DCBLD1: variants seen among roughly 807,000 people sequenced by gnomAD.
DCBLD1 encodes the protein discoidin, CUB and LCCL domain containing 1.
DCBLD1 carries 57 observed loss-of-function variants against 71.5 expected under a neutral mutation model. That is an observed-to-expected ratio of 0.80 (90% CI 0.64 to 0.99). The LOEUF (loss-of-function observed/expected upper bound fraction) is 0.99. Ranked by LOEUF, DCBLD1 falls within the 50% of genes least tolerant of loss-of-function variation. The pLI, the probability that DCBLD1 is intolerant of heterozygous loss-of-function variation, is 0.00. For synonymous variants in DCBLD1, 380 were observed against 363.8 expected, an observed-to-expected ratio of 1.04 and a Z score of -0.51; for missense variants, 891 against 923.5, an observed-to-expected ratio of 0.96 and a Z score of 0.46.
chr6:117,514,291 A>T (rs1306846089), intron 2 of DCBLD1, among the ~76,000 whole-genome samples: 1 of 152,166 alleles, frequency 6.6e-6, no homozygotes, highest in African/African-American at 2.4e-5. Flanking sequence ...GATGTTTGTG[A>T]TTATGATGAA....
At chr6:117,518,808 A>G (rs183715780) in intron 2 of DCBLD1, among the ~76,000 whole-genome samples, 15 of 152,210 alleles carry the variant, frequency 9.9e-5, no homozygotes, top group African/African-American at 3.4e-4. Flanking sequence ...CCCACAACAC[A>G]TGGGAATTCA....
In DCBLD1 at chr6:117,544,581, G is replaced by A. The variant is rs1416663635; in HGVS notation, c.1495+4G>A. Reference sequence around the variant, plus strand: ...TCAGCAGAGGCTCAGAAAACAGGTTGGTTGAAAACTCTATCTACAATTTTA... The same window carrying A: ...TCAGCAGAGGCTCAGAAAACAGGTTAGTTGAAAACTCTATCTACAATTTTA... On this transcript the variant is annotated splice_donor_region_variant and intron_variant, in intron 13 of 14. Coordinates refer to ENST00000338728, the MANE Select transcript of DCBLD1 (RefSeq NM_001366458.2). The A allele has an allele frequency of 1.2e-6, 2 of 1,613,742 alleles. No individual in the cohort carries two copies. The highest frequency in any genetic ancestry group is 1.7e-5 in the Admixed American group (1 of 59,948).
intron 2 of DCBLD1, among the ~76,000 whole-genome samples, chr6:117,505,519 AT>A (rs1245633626): frequency 1.3e-5 from 2 of 152,164 alleles, no homozygotes; most frequent in Admixed American, 6.5e-5. Context: ...TGGAGGAATC[AT>A]TTTGTTGCAT....
intron 2 of DCBLD1, among the ~76,000 whole-genome samples, chr6:117,504,214 A>C (rs1777761734): frequency 6.6e-6 from 1 of 152,198 alleles, no homozygotes; most frequent in Non-Finnish European, 1.5e-5. Flanking sequence ...TTAGAGTTTC[A>C]GTGCTGCTAG....
At position 117,541,773 on chromosome 6, in the gene DCBLD1, C is replaced by CTT. The variant is rs552268367; in HGVS notation, c.1357+750_1357+751dup. Among the ~76,000 whole-genome samples the CTT allele has an allele frequency of 7.9e-5, 12 of 152,220 alleles. No individual in the cohort carries two copies. The East Asian group carries it at 1.9e-3, about 24-fold the overall frequency. ...TAGTCAACTATATTTATGTTTCTAACTTTAAGACAAAAATGGTAGCATATC... is the reference window on the plus strand; with the variant it reads ...TAGTCAACTATATTTATGTTTCTAACTTTTTAAGACAAAAATGGTAGCATATC... On this transcript the variant is annotated intron_variant, in intron 11 of 14. Transcript: ENST00000338728.
intron 2 of DCBLD1, among the ~76,000 whole-genome samples, chr6:117,511,010 A>G (rs1388014577): frequency 6.6e-6 from 1 of 152,176 alleles, no homozygotes; most frequent in Non-Finnish European, 1.5e-5. Context: ...AAGAAGGCCA[A>G]CTAACATGCT....
intron 4 of DCBLD1, 66 bp from the exon 5 acceptor site, chr6:117,525,296 G>A (rs1209273821): frequency 8.1e-7 from 1 of 1,238,280 alleles, no homozygotes; most frequent in Non-Finnish European, 1.0e-6. Context: ...AAAAATTTAA[G>A]TACAGTTTAA....
chr6:117,511,481 A>G (rs1181427585), intron 2 of DCBLD1, among the ~76,000 whole-genome samples: 1 of 152,208 alleles, frequency 6.6e-6, no homozygotes, highest in African/African-American at 2.4e-5. Context: ...TTCCAATCAC[A>G]ATATTTTTTT....
intron 14 of DCBLD1, chr6:117,563,341 G>T (rs762873808): frequency 3.7e-6 from 6 of 1,613,178 alleles, no homozygotes; most frequent in Non-Finnish European, 5.1e-6. Flanking sequence ...CAGTGCCCAG[G>T]TCTCCATTTT....
At chr6:117,501,613 A>G (rs1562434564) in intron 1 of DCBLD1, among the ~76,000 whole-genome samples, 2 of 152,202 alleles carry the variant, frequency 1.3e-5, no homozygotes, top group Non-Finnish European at 2.9e-5. Flanking sequence ...AATTACAGGC[A>G]TGAGCCACCA....
intron 2 of DCBLD1, among the ~76,000 whole-genome samples, chr6:117,518,037 G>A (rs4945588): frequency 9.9e-5 from 15 of 152,072 alleles, no homozygotes; most frequent in African/African-American, 3.1e-4. Flanking sequence ...CTTTTCTATC[G>A]CACTGTCAGG....
At chr6:117,504,682 T>C (rs927186568) in intron 2 of DCBLD1, among the ~76,000 whole-genome samples, 4 of 152,236 alleles carry the variant, frequency 2.6e-5, no homozygotes, top group Admixed American at 2.6e-4. Flanking sequence ...TGAAATTTAG[T>C]GTTTTGTGCT....
At chr6:117,544,285 T>C (rs1224650921) in intron 12 of DCBLD1, 1 of 399,434 alleles carries the variant, frequency 2.5e-6, no homozygotes, top group Non-Finnish European at 4.4e-6. Context: ...ATTTCTAATA[T>C]GCAAAATAAG....
chr6:117,550,508 G>A (rs1476691882), downstream of DCBLD1, among the ~76,000 whole-genome samples: 1 of 152,166 alleles, frequency 6.6e-6, no homozygotes, highest in Non-Finnish European at 1.5e-5. Context: ...TAAATTTGCG[G>A]TTGAAACACA....
At chr6:117,536,035 A>G (rs920770681) in intron 6 of DCBLD1, among the ~76,000 whole-genome samples, 2 of 152,172 alleles carry the variant, frequency 1.3e-5, no homozygotes, top group Non-Finnish European at 2.9e-5. Context: ...AGCATAGACA[A>G]TGTGAAAGAG....
intron 5 of DCBLD1, among the ~76,000 whole-genome samples, chr6:117,530,468 C>G (rs777721039): frequency 6.6e-6 from 1 of 152,180 alleles, no homozygotes; most frequent in Non-Finnish European, 1.5e-5. Context: ...AGAGCTCAGG[C>G]GGTAATGTGT....
intron 1 of DCBLD1, among the ~76,000 whole-genome samples, chr6:117,502,070 C>T (rs1400222693): frequency 1.3e-5 from 2 of 152,212 alleles, no homozygotes; most frequent in African/African-American, 4.8e-5. Context: ...ACCCCCATTG[C>T]TAGCCTGCCT....
chr6:117,528,363 A>T (rs1467792250), intron 5 of DCBLD1, among the ~76,000 whole-genome samples: 1 of 152,362 alleles, frequency 6.6e-6, no homozygotes. Flanking sequence ...ACATTTTGCT[A>T]TCATTCCACC....
Position 117,503,962 on chromosome 6 carries a change from G to C in DCBLD1, c.308G>C (p.Ser103Thr), listed in dbSNP as rs1777751840. 1 of 1,613,954 alleles carries C rather than the reference G, an allele frequency of 6.2e-7. No individual in the cohort carries two copies. Among genetic ancestry groups the C allele is most frequent in the Non-Finnish European group, 8.5e-7 (1 of 1,179,882 alleles). ...TCASDYLLFT[S>T]SSDQYGPYCG... ...GCTTCTGACTATCTTCTCTTCACCA[G>C]CTCTTCAGATCAATATGGTAAGAAA... Residue 103 changes from serine (S) to threonine (T), a missense_variant, in exon 2 of 15, where the codon AGC becomes ACC. Physicochemically the swap from Ser to Thr is moderately conservative, Grantham distance 58. Coordinates refer to ENST00000338728, the MANE Select transcript of DCBLD1 (RefSeq NM_001366458.2).
Sources: gnomAD v4.1 joint callset for allele counts (sites outside exome capture counted in the v4.1 genomes callset) on GRCh38, gnomAD v4.1.1 for gene constraint, MANE v1.5 for transcripts, NCBI Gene and HGNC (gene_info 2026-07-23, HGNC 2026-07-21) for gene names.